The following CARMIL2 variants were observed in gnomAD, a reference collection of about 807,000 sequenced individuals.
The protein encoded by CARMIL2 is capping protein, Arp2/3 and myosin-I linker protein 2.
CARMIL2 carries 96 observed loss-of-function variants against 173.3 expected under a neutral mutation model. The ratio of observed to expected loss-of-function variants is 0.55; its 90% CI spans 0.47 to 0.66. The LOEUF is 0.66. Ranked by LOEUF, CARMIL2 falls within the 30% of genes least tolerant of loss-of-function variation. The probability of loss-of-function intolerance (pLI) is 0.00; values close to 1 mark genes in which losing one functional copy is unlikely to be tolerated. For synonymous variants in CARMIL2, 830 were observed against 817.1 expected, an observed-to-expected ratio of 1.02 and a Z score of -0.27; for missense variants, 1,771 against 1,906.7, an observed-to-expected ratio of 0.93 and a Z score of 1.33.
At position 67,649,179 on chromosome 16, in the gene CARMIL2, C is replaced by A. The variant is rs1431189892; in HGVS notation, c.1688+7C>A. The A allele has an allele frequency of 1.9e-6, 3 of 1,613,062 alleles. No individual in the cohort carries two copies. In the African/African-American group the frequency reaches 4.0e-5, roughly 22 times the overall value. ...ACTTCAACGTCCGGTGCAAGTGAGC[C>A]CCCACCCTACTCCTGGGCCTCCCAG... On this transcript the variant is annotated splice_region_variant and intron_variant, in intron 18 of 37. Coordinates refer to ENST00000334583, the MANE Select transcript of CARMIL2 (RefSeq NM_001013838.3). This position sits in a 1 kb window ranked among gnomAD's most constrained non-coding sequence, Gnocchi z 6.7.
intron 1 of CARMIL2, 102 bp from the exon 2 acceptor site, chr16:67,645,438 C>G: frequency 1.5e-6 from 2 of 1,375,644 alleles, no homozygotes; most frequent in Non-Finnish European, 2.0e-6. Flanking sequence ...TCCTTCCTCG[C>G]TGGCCGCAGA....
rs1389613747 is a variant in CARMIL2, at chr16:67,654,560, G to T, written c.3450G>T (p.Gly1150=). The change falls in exon 31 of 38, where the codon GGG becomes GGT. Residue 1150 remains glycine, a synonymous_variant. Coordinates refer to ENST00000334583, the MANE Select transcript of CARMIL2 (RefSeq NM_001013838.3). ...CCAGCCGTGGTGAGGAGCTTGGTGGGGCTGAGGGGGACACCAGCAGCCCTG... is the reference window on the plus strand; with the variant it reads ...CCAGCCGTGGTGAGGAGCTTGGTGGTGCTGAGGGGGACACCAGCAGCCCTG... ...TRPSRGEELG[G]AEGDTSSPDP... is the part of the protein sequence containing the mutation. The T allele has an allele frequency of 6.2e-7, 1 of 1,611,700 alleles. No homozygotes were observed.
Position 67,647,961 on chromosome 16 carries a change from G to T in CARMIL2, c.1071+3G>T. The T allele has an allele frequency of 6.2e-7, 1 of 1,606,400 alleles. No homozygotes were observed. The highest frequency in any genetic ancestry group is 8.5e-7 in the Non-Finnish European group (1 of 1,176,060). Reference sequence around the variant, plus strand: ...TGGGGGCCTCCGAGGACAGTGGGGTGAGTGGCTGTCTTCAGGGTGGGAGCT... The same window carrying T: ...TGGGGGCCTCCGAGGACAGTGGGGTTAGTGGCTGTCTTCAGGGTGGGAGCT... On this transcript the variant is annotated splice_donor_region_variant and intron_variant, in intron 13 of 37. Coordinates refer to ENST00000334583, the MANE Select transcript of CARMIL2 (RefSeq NM_001013838.3).
chr16:67,657,174 AGG>A lies in CARMIL2; in HGVS notation c.4118-62_4118-61del. 2 of 1,414,202 alleles carry A rather than the reference AGG, an allele frequency of 1.4e-6. No individual in the cohort carries two copies. The highest frequency in any genetic ancestry group is 3.7e-5 in the Admixed American group (2 of 54,694). 87.6% of individuals were successfully genotyped at this position (1,414,202 alleles called of 1,614,324 possible). ...CTTATGTGCACTGGAGGTGGAAGAG[AGG>A]GGCAGGGGATGGACAGACCCCAAGC... On this transcript the variant is annotated intron_variant, in intron 36 of 37. Coordinates refer to ENST00000334583, the MANE Select transcript of CARMIL2 (RefSeq NM_001013838.3). This position sits in a 1 kb window ranked among gnomAD's most constrained non-coding sequence, Gnocchi z 4.5.
chr16:67,651,125 G>A lies in CARMIL2; in HGVS notation c.2185-62G>A. 1.3e-6 allele frequency: 2 copies of A among 1,564,308 alleles called. No homozygotes were observed. Among genetic ancestry groups the A allele is most frequent in the Middle Eastern group, 1.7e-4 (1 of 5,854 alleles). On this transcript the variant is annotated intron_variant, in intron 22 of 37. Transcript: ENST00000334583. The surrounding 1 kb of genome is among the most constrained non-coding windows in gnomAD (Gnocchi z 4.2). ...CTCTGTTAAAGAGCCTGGGAGGAAGGCAGGCAGGATCTGGGAGACTGGGAG... is the reference window on the plus strand; with the variant it reads ...CTCTGTTAAAGAGCCTGGGAGGAAGACAGGCAGGATCTGGGAGACTGGGAG...
rs371823779 is a variant in CARMIL2 at position 67,651,863 on chromosome 16, G to T, written c.2588+18G>T. 9.3e-6 allele frequency: 15 copies of T among 1,612,734 alleles called. No individual in the cohort carries two copies. Among genetic ancestry groups the T allele is most frequent in the African/African-American group, 1.3e-5 (1 of 74,946 alleles). On this transcript the variant is annotated intron_variant, in intron 25 of 37. Coordinates refer to ENST00000334583, the MANE Select transcript of CARMIL2 (RefSeq NM_001013838.3). The surrounding 1 kb of genome is among the most constrained non-coding windows in gnomAD (Gnocchi z 4.2). The stretch of plus-strand genomic sequence containing the variant: ...AGGCTCAGGTAGGCTGGATGGGGCT[G>T]GGCTGGGCAAGGCTGAGCAAAGCCA...
chr16:67,654,081 G>GGC (rs1491542529), intron 29 of CARMIL2, 68 bp from the exon 30 acceptor site: 5 of 77,084 alleles, frequency 6.5e-5, no homozygotes, highest in East Asian at 4.1e-4. Flanking sequence ...GCTGCCGGCC[G>GGC]GGGGGGGGGG....
Position 67,656,404 on chromosome 16 carries a change from T to TGACA in CARMIL2, c.3815-19_3815-16dup, listed in dbSNP as rs1213082985. On this transcript the variant is annotated intron_variant, in intron 34 of 37. Coordinates refer to ENST00000334583, the MANE Select transcript of CARMIL2 (RefSeq NM_001013838.3). ...CGCCAATGCCTGACCAGGTCTTGGC[T>TGACA]GACACCTTTCTCCCTACAGACCCTT... 5.0e-6 allele frequency: 8 copies of TGACA among 1,608,978 alleles called. No individual in the cohort carries two copies. Among genetic ancestry groups the TGACA allele is most frequent in the Non-Finnish European group, 6.8e-6 (8 of 1,176,560 alleles).
Position 67,653,382 on chromosome 16 carries a change from C to T in CARMIL2, c.3120+128C>T, listed in dbSNP as rs1223860848. The stretch of plus-strand genomic sequence containing the variant: ...GCCCAAGGCCACCTGGTCGTGCGGC[C>T]GCGGTCACATCCTGGCTTCTTCCTG... On this transcript the variant is annotated intron_variant, in intron 29 of 37. Coordinates refer to ENST00000334583, the MANE Select transcript of CARMIL2 (RefSeq NM_001013838.3). The surrounding 1 kb of genome is among the most constrained non-coding windows in gnomAD (Gnocchi z 7.4). 1 of 267,320 alleles carries T rather than the reference C, an allele frequency of 3.7e-6. No individual in the cohort carries two copies. Among genetic ancestry groups the T allele is most frequent in the Non-Finnish European group, 6.3e-6 (1 of 159,872 alleles). The allele number at this position is 267,320 out of a possible 1,614,324, so 16.6% of individuals were successfully genotyped here. A position where few individuals can be genotyped will look rare whatever the true frequency, so the allele number is the denominator to read the frequency against.
In CARMIL2 at chr16:67,648,771, A is replaced by C; in HGVS notation, c.1509+17A>C. The C allele has an allele frequency of 6.3e-7, 1 of 1,593,214 alleles. No homozygotes were observed. The highest frequency in any genetic ancestry group is 1.1e-5 in the South Asian group (1 of 87,908). Reference sequence around the variant, plus strand: ...GCTTGCGAGGTGAGCGCCGGCCCCCAGAAGAGACCACACATTGGGAGAGGC... The same window carrying C: ...GCTTGCGAGGTGAGCGCCGGCCCCCCGAAGAGACCACACATTGGGAGAGGC... On this transcript the variant is annotated intron_variant, in intron 16 of 37. Coordinates refer to ENST00000334583, the MANE Select transcript of CARMIL2 (RefSeq NM_001013838.3). This position sits in a 1 kb window ranked among gnomAD's most constrained non-coding sequence, Gnocchi z 6.1.
chr16:67,648,560 G>A lies in CARMIL2; in HGVS notation c.1439+58G>A. ...GCGCTCCCACCCTGCCCTGGCCTTCGCCCCTCCCCGCTCCTGCTTCTGTCG... is the reference window on the plus strand; with the variant it reads ...GCGCTCCCACCCTGCCCTGGCCTTCACCCCTCCCCGCTCCTGCTTCTGTCG... On this transcript the variant is annotated intron_variant, in intron 15 of 37. Coordinates refer to ENST00000334583, the MANE Select transcript of CARMIL2 (RefSeq NM_001013838.3). The surrounding 1 kb of genome is among the most constrained non-coding windows in gnomAD (Gnocchi z 6.1). The A allele has an allele frequency of 6.9e-7, 1 of 1,450,338 alleles. No homozygotes were observed. The highest frequency in any genetic ancestry group is 9.3e-7 in the Non-Finnish European group (1 of 1,072,164). The allele number at this position is 1,450,338 out of a possible 1,614,324, so 89.8% of individuals were successfully genotyped here. A position where few individuals can be genotyped will look rare whatever the true frequency, so the allele number is the denominator to read the frequency against.
In CARMIL2 at chr16:67,646,956, C is replaced by T. The variant is rs752745024; in HGVS notation, c.594C>T (p.Phe198=). Residue 198 remains phenylalanine, a synonymous_variant, in exon 8 of 38, where the codon TTC becomes TTT. Transcript: ENST00000334583. The surrounding 1 kb of genome is among the most constrained non-coding windows in gnomAD (Gnocchi z 4.6). ...QGCRHFSLGD[F]SHLGSRDLAL... is the part of the protein sequence containing the mutation. ...GCCGCCATTTCAGCCTGGGAGACTTCAGCCACCTCGGCAGTCGGTGTGTGG... is the reference window on the plus strand; with the variant it reads ...GCCGCCATTTCAGCCTGGGAGACTTTAGCCACCTCGGCAGTCGGTGTGTGG... The T allele has an allele frequency of 5.6e-6, 9 of 1,613,550 alleles. No homozygotes were observed. Among genetic ancestry groups the T allele is most frequent in the African/African-American group, 1.3e-5 (1 of 75,072 alleles).
chr16:67,651,227 AGCTGCTGG>A lies in CARMIL2; in HGVS notation c.2230_2237del (p.Leu744TrpfsTer7). Reference sequence around the variant, plus strand: ...TGTCAGTCGGTGCAGGAGCATGTGGAGCTGCTGGGCTGTGGGGCTGGGCCCCAGGGTGA... The same window carrying A: ...TGTCAGTCGGTGCAGGAGCATGTGGAGCTGTGGGGCTGGGCCCCAGGGTGA... On this transcript the variant is annotated frameshift_variant, in exon 23 of 38. Transcript: ENST00000334583. LOFTEE classifies it high-confidence loss of function. This position sits in a 1 kb window ranked among gnomAD's most constrained non-coding sequence, Gnocchi z 4.2. 1.2e-6 allele frequency: 2 copies of A among 1,613,556 alleles called. No homozygotes were observed. The highest frequency in any genetic ancestry group is 1.7e-6 in the Non-Finnish European group (2 of 1,179,824).
intron 8 of CARMIL2, 40 bp downstream of exon 8, chr16:67,647,013 G>A: frequency 1.2e-6 from 2 of 1,607,730 alleles, no homozygotes; most frequent in Non-Finnish European, 1.7e-6. Flanking sequence ...GAAGATCCCG[G>A]GGCCCATATC....
At position 67,647,297 on chromosome 16, in the gene CARMIL2, A is replaced by G. The variant is rs774513832; in HGVS notation, c.688-2A>G. Reference sequence around the variant, plus strand: ...CGTGAGCCGCCGCCCTCTGCTTCTCAGAGCCTTGAGGTCTCAGAACAGATT... The same window carrying G: ...CGTGAGCCGCCGCCCTCTGCTTCTCGGAGCCTTGAGGTCTCAGAACAGATT... On this transcript the variant is annotated splice_acceptor_variant, in intron 9 of 37. Transcript: ENST00000334583. LOFTEE classifies it high-confidence loss of function. 1.2e-6 allele frequency: 2 copies of G among 1,605,284 alleles called. No individual in the cohort carries two copies. Among genetic ancestry groups the G allele is most frequent in the East Asian group, 2.2e-5 (1 of 44,610 alleles).
At position 67,645,601 on chromosome 16, in the gene CARMIL2, C is replaced by A; in HGVS notation, c.102C>A (p.Pro34=). 6.2e-7 allele frequency: 1 copy of A among 1,613,382 alleles called. No individual in the cohort carries two copies. The highest frequency in any genetic ancestry group is 8.5e-7 in the Non-Finnish European group (1 of 1,179,760). ...EVELLLKTWL[P]GEGAVQNHVL... ...AGCTGCTGCTGAAAACCTGGCTACC[C>A]GGGGAGGGTGCTGTGCAAAACCATG... The change falls in exon 2 of 38, where the codon CCC becomes CCA. Residue 34 remains proline, a synonymous_variant. Coordinates refer to ENST00000334583, the MANE Select transcript of CARMIL2 (RefSeq NM_001013838.3).
chr16:67,650,904 A>C (rs2052710324), intron 22 of CARMIL2: 1 of 367,884 alleles, frequency 2.7e-6, no homozygotes, highest in Non-Finnish European at 5.0e-6. Context: ...CCCCTCTCTC[A>C]GTCTATCCTC....
At chr16:67,656,118 T>TAGAC in intron 33 of CARMIL2, 51 bp downstream of exon 33, 1 of 1,611,334 alleles carries the variant, frequency 6.2e-7, no homozygotes, top group Non-Finnish European at 8.5e-7. Flanking sequence ...GGTGTCCTTA[T>TAGAC]AGACAGCCCC....
At chr16:67,647,995 C>T (rs1191013855) in intron 13 of CARMIL2, 37 bp downstream of exon 13, 2 of 1,605,640 alleles carry the variant, frequency 1.2e-6, no homozygotes, top group Non-Finnish European at 1.7e-6. Context: ...CTTGGGGTTG[C>T]TCATAAGCCC....
Sources: gnomAD v4.1 joint callset for allele counts on GRCh38, gnomAD v4.1.1 for gene constraint, Gnocchi (gnomAD v3.1) non-coding constraint, MANE v1.5 for transcripts, NCBI Gene and HGNC (gene_info 2026-07-23, HGNC 2026-07-21) for gene names.